AGPAT3: variants seen among roughly 807,000 people sequenced by gnomAD.
The protein encoded by AGPAT3 is 1-acylglycerol-3-phosphate O-acyltransferase 3, also known as 1-acyl-sn-glycerol-3-phosphate acyltransferase gamma.
In AGPAT3, 5 loss-of-function variants were observed where a neutral mutation model predicts 47.3. The ratio of observed to expected loss-of-function variants is 0.11; its 90% CI spans 0.06 to 0.22. The LOEUF is 0.22. Ranked by LOEUF, AGPAT3 falls within the 10% of genes least tolerant of loss-of-function variation. The pLI, the probability that AGPAT3 is intolerant of heterozygous loss-of-function variation, is 1.00. For missense variants in AGPAT3, 315 were observed against 493.0 expected, an observed-to-expected ratio of 0.64 and a Z score of 3.42; for synonymous variants, 212 against 208.3, an observed-to-expected ratio of 1.02 and a Z score of -0.15.
intron 1 of AGPAT3, among the ~76,000 whole-genome samples, chr21:43,875,134 C>G (rs919972576): frequency 2.0e-5 from 3 of 152,126 alleles, no homozygotes; most frequent in African/African-American, 4.8e-5. Context: ...GCGCCCACCA[C>G]CACGCCTGGG....
At chr21:43,898,551 G>C (rs2086279696) in intron 1 of AGPAT3, among the ~76,000 whole-genome samples, 1 of 152,106 alleles carries the variant, frequency 6.6e-6, no homozygotes, top group South Asian at 2.1e-4. Context: ...CCCCAAGACG[G>C]AGTCTTGCTC....
intron 2 of AGPAT3, among the ~76,000 whole-genome samples, chr21:43,937,630 C>T (rs921541842): frequency 3.3e-5 from 5 of 152,128 alleles, no homozygotes; most frequent in African/African-American, 1.2e-4. Flanking sequence ...GTGGCGCAAT[C>T]GTGGCTCACT....
At chr21:43,875,904 A>T (rs1443934911) in intron 1 of AGPAT3, among the ~76,000 whole-genome samples, 5 of 152,092 alleles carry the variant, frequency 3.3e-5, no homozygotes, top group Non-Finnish European at 7.4e-5. Context: ...CACCGTGCCC[A>T]GCCTCTGCGC....
intron 2 of AGPAT3, among the ~76,000 whole-genome samples, chr21:43,914,119 C>G (rs1004364769): frequency 8.5e-5 from 13 of 152,244 alleles, no homozygotes; most frequent in South Asian, 4.1e-4. Flanking sequence ...TGCTCTGTGT[C>G]GTGGTTGAGG....
chr21:43,929,942 G>C (rs147848393), intron 2 of AGPAT3, among the ~76,000 whole-genome samples: 1 of 152,206 alleles, frequency 6.6e-6, no homozygotes, highest in African/African-American at 2.4e-5. Context: ...TAAATGCAGC[G>C]GACACTGGGC....
At chr21:43,969,997 C>A (rs527827690) in intron 5 of AGPAT3, among the ~76,000 whole-genome samples, 1 of 149,276 alleles carries the variant, frequency 6.7e-6, no homozygotes, top group Non-Finnish European at 1.5e-5. Flanking sequence ...GCTTGCCAGC[C>A]TGCTGTTAGC....
In AGPAT3 at chr21:43,982,596, C is replaced by T. The variant is rs1569112615; in HGVS notation, c.*204C>T. On this transcript the variant is annotated 3_prime_UTR_variant, in exon 10 of 10. Transcript: ENST00000291572. The surrounding 1 kb of genome is among the most constrained non-coding windows in gnomAD (Gnocchi z 6.2). ...AGCCTCCCACAGCGCAGGGTCCCAG[C>T]ATCTCCACGCGCGCCCGTGGGAGGT... 2 of 456,338 alleles carry T rather than the reference C, an allele frequency of 4.4e-6. No individual in the cohort carries two copies. Among genetic ancestry groups the T allele is most frequent in the Non-Finnish European group, 3.9e-6 (1 of 255,886 alleles). 28.3% of individuals were successfully genotyped at this position (456,338 alleles called of 1,614,324 possible).
intron 2 of AGPAT3, among the ~76,000 whole-genome samples, chr21:43,917,906 TTGTGGGTGTTGTAGGGGG>T (rs1458049544): frequency 2.3e-5 from 2 of 85,738 alleles, no homozygotes; most frequent in African/African-American, 9.8e-5. Context: ...GTTGCGGGTG[TTGTGGGTGTTGTAGGGGG>T]TGTGGGTGTT....
intron 2 of AGPAT3, among the ~76,000 whole-genome samples, chr21:43,928,271 C>T (rs1177498324): frequency 6.6e-6 from 1 of 152,224 alleles, no homozygotes; most frequent in East Asian, 1.9e-4. Flanking sequence ...TACCCCTGCC[C>T]TGAGTTCGAC....
chr21:43,973,855 C>G (rs940383566), intron 7 of AGPAT3, among the ~76,000 whole-genome samples: 1 of 152,180 alleles, frequency 6.6e-6, no homozygotes, highest in Non-Finnish European at 1.5e-5. Context: ...GCTCTCCTGT[C>G]CCCAGGGCTG....
At chr21:43,927,246 A>G (rs1470700048) in intron 2 of AGPAT3, among the ~76,000 whole-genome samples, 1 of 152,182 alleles carries the variant, frequency 6.6e-6, no homozygotes, top group African/African-American at 2.4e-5. Flanking sequence ...ATTAATTTAC[A>G]AAATCTTGTA....
At chr21:43,909,809 GA>G (rs961572335) in intron 2 of AGPAT3, among the ~76,000 whole-genome samples, 1 of 152,212 alleles carries the variant, frequency 6.6e-6, no homozygotes, top group African/African-American at 2.4e-5. Flanking sequence ...GCTGCAGGGG[GA>G]AGCTGTGAGG....
rs752570999 is a variant in AGPAT3 at position 43,955,238 on chromosome 21, A to G, written c.-48-4396A>G. The G allele has an allele frequency of 4.1e-4, 506 of 1,226,066 alleles. 1 individual carries two copies. Among genetic ancestry groups the G allele is most frequent in the Middle Eastern group, 1.1e-3 (4 of 3,782 alleles). 75.9% of individuals were successfully genotyped at this position (1,226,066 alleles called of 1,614,324 possible). ...GGATTCTGTGTTTGTGAACCTCTAG[A>G]AAAGGTAAATTAACCTATAGAGCTG... is the stretch of plus-strand genomic sequence containing the variant. On this transcript the variant is annotated intron_variant, in intron 2 of 9. Transcript: ENST00000291572. The surrounding 1 kb of genome is among the most constrained non-coding windows in gnomAD (Gnocchi z 4.1).
Position 43,976,547 on chromosome 21 carries a change from T to C in AGPAT3, c.768-1499T>C, listed in dbSNP as rs191007529. Among the ~76,000 whole-genome samples the C allele has an allele frequency of 3.2e-3, 486 of 152,380 alleles. 1 individual carries two copies. The highest frequency in any genetic ancestry group is 0.011 in the African/African-American group (440 of 41,586). ...AGTTTGACTGTAAGGCAAGATTTTA[T>C]GAATTTCGTATAACTTTCATAATTG... On this transcript the variant is annotated intron_variant, in intron 7 of 9. Coordinates refer to ENST00000291572, the MANE Select transcript of AGPAT3 (RefSeq NM_020132.5).
intron 1 of AGPAT3, among the ~76,000 whole-genome samples, chr21:43,883,397 A>AT (rs1886848066): frequency 6.6e-6 from 1 of 152,178 alleles, no homozygotes; most frequent in African/African-American, 2.4e-5. Flanking sequence ...TCTCCAGTTT[A>AT]CAAGTAGGAG....
In AGPAT3 at chr21:43,955,700, G is replaced by T. The variant is rs2088417689; in HGVS notation, c.-48-3934G>T. On this transcript the variant is annotated intron_variant, in intron 2 of 9. Coordinates refer to ENST00000291572, the MANE Select transcript of AGPAT3 (RefSeq NM_020132.5). The surrounding 1 kb of genome is among the most constrained non-coding windows in gnomAD (Gnocchi z 4.1). The stretch of plus-strand genomic sequence containing the variant: ...TTGGGCGGATTACCTGAGGTCAGGA[G>T]ATCGAGGCCAGCCTGGCCAACATGG... 6.6e-6 allele frequency among the ~76,000 whole-genome samples: 1 copy of T among 152,024 alleles called. No individual in the cohort carries two copies. Among genetic ancestry groups the T allele is most frequent in the Admixed American group, 6.5e-5 (1 of 15,274 alleles).
At chr21:43,903,684 C>T (rs1457790610) in intron 1 of AGPAT3, among the ~76,000 whole-genome samples, 16 of 152,218 alleles carry the variant, frequency 1.1e-4, no homozygotes, top group Admixed American at 9.8e-4. Flanking sequence ...GGGGCGTGAC[C>T]TCTGGCGGCT....
Position 43,881,543 on chromosome 21 carries a change from C to T in AGPAT3, c.-112+16198C>T, listed in dbSNP as rs538323963. ...TGTGTTTGTGGTGTGAAATGCACGCCGATCTCAGAGGCTTGATATGAAAGA... is the reference window on the plus strand; with the variant it reads ...TGTGTTTGTGGTGTGAAATGCACGCTGATCTCAGAGGCTTGATATGAAAGA... On this transcript the variant is annotated intron_variant, in intron 1 of 9. Coordinates refer to ENST00000291572, the MANE Select transcript of AGPAT3 (RefSeq NM_020132.5). Among the ~76,000 whole-genome samples the T allele has an allele frequency of 9.2e-5, 14 of 152,224 alleles. No homozygotes were observed. The South Asian group carries it at 1.5e-3, about 16-fold the overall frequency.
rs368440275 is a variant in AGPAT3, at chr21:43,902,765, G to A, written c.-111-1192G>A. 6.6e-5 allele frequency among the ~76,000 whole-genome samples: 10 copies of A among 152,188 alleles called. No homozygotes were observed. The East Asian group carries it at 7.7e-4, about 12-fold the overall frequency. Reference sequence around the variant, plus strand: ...TCTAGTTCCAGCACTTTGGGAGGGCGAGGCAGGCGGATCACTTGAGCTCAG... The same window carrying A: ...TCTAGTTCCAGCACTTTGGGAGGGCAAGGCAGGCGGATCACTTGAGCTCAG... On this transcript the variant is annotated intron_variant, in intron 1 of 9. Transcript: ENST00000291572.
Sources: gnomAD v4.1 joint callset for allele counts (sites outside exome capture counted in the v4.1 genomes callset) on GRCh38, gnomAD v4.1.1 for gene constraint, Gnocchi (gnomAD v3.1) non-coding constraint, MANE v1.5 for transcripts, NCBI Gene and HGNC (gene_info 2026-07-23, HGNC 2026-07-21) for gene names.